Variants in DKKL1 observed in about 807,000 individuals in gnomAD.
The protein encoded by DKKL1 is dickkopf-like protein 1.
Under a neutral mutation model 16.5 loss-of-function variants are expected in DKKL1, and 11 were observed. The observed-to-expected ratio is 0.67, with a 90% CI of 0.42 to 1.10. The LOEUF (loss-of-function observed/expected upper bound fraction) is 1.10, where lower values mean the gene tolerates loss of function less well. DKKL1 is among the 50% of genes least tolerant of loss of function. The pLI is 0.00. For synonymous variants in DKKL1, 119 were observed against 133.2 expected (o/e 0.89, Z 0.73); for missense variants, 320 against 308.1 (o/e 1.04, Z -0.29).
intron 4 of DKKL1, among the ~76,000 whole-genome samples, chr19:49,367,581 A>G (rs1973305483): frequency 6.6e-6 from 1 of 150,422 alleles, no homozygotes; most frequent in Non-Finnish European, 1.5e-5. Context: ...TAATTTTTCT[A>G]TTTTTAGAGA....
chr19:49,363,778 T>G, upstream of DKKL1: 1 of 628,200 alleles, frequency 1.6e-6, no homozygotes, highest in East Asian at 2.9e-5. Context: ...GGTCATGGAG[T>G]AGAGGCCCGG....
At position 49,365,788 on chromosome 19, in the gene DKKL1, CACAGATGACCG is replaced by C. The variant is rs759191536; in HGVS notation, c.325-1_334del. On this transcript the variant is annotated splice_acceptor_variant and splice_polypyrimidine_tract_variant and coding_sequence_variant and intron_variant, in exon 4 of 5. Transcript: ENST00000221498. LOFTEE classifies it high-confidence loss of function. ...TGCTCTCACTCTCTCATCGGATCCT[CACAGATGACCG>C]ACAACAAGACAGGAGAGGTGCTGAT... 1 of 1,613,636 alleles carries C rather than the reference CACAGATGACCG, an allele frequency of 6.2e-7. No homozygotes were observed. Among genetic ancestry groups the C allele is most frequent in the Admixed American group, 1.7e-5 (1 of 59,920 alleles).
upstream of DKKL1, chr19:49,363,079 T>C (rs1001909100): frequency 1.3e-5 from 2 of 151,498 alleles, no homozygotes; most frequent in Non-Finnish European, 2.9e-5. Context: ...TAGGTGCAGA[T>C]TCCTCATCTA....
chr19:49,374,865 G>A lies in DKKL1; in HGVS notation c.566G>A (p.Trp189Ter). ...CAGGATGCCCTGGAGGGCGGCCACT[G>A]GCTCAGCGAGAAGCGACACCGCCTG... ...SHQDALEGGH[W>*]LSEKRHRLQA... is the part of the protein sequence containing the mutation. The change falls in exon 5 of 5, where the codon TGG becomes TAG. Residue 189 changes from tryptophan (W) to a stop codon, truncating the protein, a stop_gained. Coordinates refer to ENST00000221498, the MANE Select transcript of DKKL1 (RefSeq NM_014419.4). LOFTEE classifies it low-confidence loss of function (END_TRUNC). The A allele has an allele frequency of 6.2e-7, 1 of 1,614,046 alleles. No individual in the cohort carries two copies. The highest frequency in any genetic ancestry group is 1.1e-5 in the South Asian group (1 of 91,082).
rs780451353 is a variant in DKKL1, at chr19:49,365,565, C to T, written c.240C>T (p.Gly80=). ...SLFSAPMDFR[G]LPGNYHKEEN... is the part of the protein sequence containing the mutation. The stretch of plus-strand genomic sequence containing the variant: ...TCTCTGCCCCCATGGACTTCCGGGG[C>T]CTCCCTGGGAACTACCACAAAGAGG... Residue 80 remains glycine (G), a synonymous_variant, in exon 3 of 5, where the codon GGC becomes GGT. Transcript: ENST00000221498. 1 of 1,613,858 alleles carries T rather than the reference C, an allele frequency of 6.2e-7. No homozygotes were observed. Among genetic ancestry groups the T allele is most frequent in the Non-Finnish European group, 8.5e-7 (1 of 1,179,876 alleles).
chr19:49,374,016 G>A (rs7259832), intron 4 of DKKL1, among the ~76,000 whole-genome samples: 5,209 of 150,540 alleles, frequency 0.035, 279 homozygotes, highest in African/African-American at 0.12. Flanking sequence ...ATGGAGTCTC[G>A]CTCTGTCACC....
intron 4 of DKKL1, among the ~76,000 whole-genome samples, chr19:49,373,790 TAAC>T (rs918858540): frequency 5.3e-5 from 8 of 151,922 alleles, no homozygotes; most frequent in African/African-American, 1.7e-4. Context: ...ATTTAACACA[TAAC>T]AATCTCCTGC....
At chr19:49,374,090 A>G (rs7259611) in intron 4 of DKKL1, among the ~76,000 whole-genome samples, 39,190 of 151,440 alleles carry the variant, frequency 0.26, 5,264 homozygotes, top group African/African-American at 0.31. Flanking sequence ...GTTCATGCCA[A>G]TCTCCTGCCT....
upstream of DKKL1, chr19:49,363,676 CTG>C (rs1395625126): frequency 2.8e-5 from 12 of 425,456 alleles, no homozygotes; most frequent in East Asian, 5.0e-5. Context: ...CGTGGTCTGA[CTG>C]TGTGGGCGTG....
chr19:49,366,905 G>A (rs1568593281), intron 4 of DKKL1, among the ~76,000 whole-genome samples: 2 of 151,634 alleles, frequency 1.3e-5, no homozygotes, highest in South Asian at 2.1e-4. Context: ...ACGGGGTTTC[G>A]CCATGTTTCC....
At chr19:49,362,682 AGGCTGGG>A (rs1361563909), upstream of DKKL1, among the ~76,000 whole-genome samples, 1 of 135,586 alleles carries the variant, frequency 7.4e-6, no homozygotes, top group Non-Finnish European at 1.6e-5. Flanking sequence ...GAGGGAGGAG[AGGCTGGG>A]GGCTGGGACT....
At chr19:49,365,466 G>A (rs1973211363) in intron 2 of DKKL1, 43 bp from the exon 3 acceptor site, 2 of 1,559,322 alleles carry the variant, frequency 1.3e-6, no homozygotes, top group Admixed American at 1.8e-5. Flanking sequence ...GTACTGAGGA[G>A]ATGTGAGGTC....
At chr19:49,364,105 T>TG in intron 1 of DKKL1, 97 bp downstream of exon 1, 2 of 1,505,334 alleles carry the variant, frequency 1.3e-6, no homozygotes, top group Non-Finnish European at 1.8e-6. Flanking sequence ...ATCCCAACAC[T>TG]TTGGGAGGCC....
At chr19:49,363,815 G>A (rs571313861), upstream of DKKL1, 59 of 838,234 alleles carry the variant, frequency 7.0e-5, 1 homozygote, top group Admixed American at 9.3e-4. Flanking sequence ...GGCAAGTTTG[G>A]AGCGTGGTCA....
chr19:49,365,727 T>C, intron 3 of DKKL1, 66 bp from the exon 4 acceptor site: 2 of 1,601,568 alleles, frequency 1.2e-6, no homozygotes, highest in South Asian at 1.1e-5. Context: ...GCAGTATCTG[T>C]TGGGAGGGAA....
chr19:49,362,835 C>T (rs35340210), upstream of DKKL1, among the ~76,000 whole-genome samples: 38,661 of 150,458 alleles, frequency 0.26, 5,171 homozygotes, highest in African/African-American at 0.31. Context: ...ATTGGGGGTG[C>T]GGAAGTGATA....
At position 49,375,049 on chromosome 19, in the gene DKKL1, C is replaced by T. The variant is rs758705153; in HGVS notation, c.*21C>T. The stretch of plus-strand genomic sequence containing the variant: ...TGTAGGGGTGGGGACCGGGGAGCAC[C>T]TGCCTGTAGCCCCCATCAGACCCTG... On this transcript the variant is annotated 3_prime_UTR_variant, in exon 5 of 5. Transcript: ENST00000221498. The T allele has an allele frequency of 6.3e-7, 1 of 1,579,366 alleles. No individual in the cohort carries two copies. The highest frequency in any genetic ancestry group is 8.6e-7 in the Non-Finnish European group (1 of 1,163,006).
chr19:49,367,312 A>T (rs985114483), intron 4 of DKKL1, among the ~76,000 whole-genome samples: 2 of 152,138 alleles, frequency 1.3e-5, no homozygotes, highest in Non-Finnish European at 2.9e-5. Context: ...CTGGGATTAT[A>T]GGCATGAGCT....
intron 1 of DKKL1, 109 bp downstream of exon 1, chr19:49,364,117 AGGTG>A: frequency 7.0e-7 from 1 of 1,433,174 alleles, no homozygotes; most frequent in Non-Finnish European, 9.6e-7. Context: ...TGGGAGGCCC[AGGTG>A]GGCGGATCGC....
Sources: allele counts gnomAD v4.1 joint callset (sites outside exome capture counted in the v4.1 genomes callset), GRCh38; gene constraint gnomAD v4.1.1; transcripts MANE v1.5; gene names NCBI Gene and HGNC (gene_info 2026-07-23, HGNC 2026-07-21).